Variants in TUSC3 observed in about 807,000 individuals in gnomAD.
TUSC3 encodes tumor suppressor candidate 3, also known as dolichyl-diphosphooligosaccharide--protein glycosyltransferase subunit TUSC3.
TUSC3 carries 45 observed loss-of-function variants against 44.8 expected under a neutral mutation model. The observed-to-expected ratio is 1.00, with a 90% CI of 0.79 to 1.29. TUSC3 has a LOEUF of 1.29. Ranked by LOEUF, TUSC3 falls within the 50% of genes most tolerant of loss-of-function variation. TUSC3 has a pLI of 0.00. For missense variants in TUSC3, 519 were observed against 437.9 expected, an observed-to-expected ratio of 1.19 and a Z score of -1.65; for synonymous variants, 212 against 152.9, an observed-to-expected ratio of 1.39 and a Z score of -2.85.
the TUSC3 span, among the ~76,000 whole-genome samples, chr8:15,773,815 A>T: frequency 6.6e-6 from 1 of 152,320 alleles, no homozygotes; most frequent in East Asian, 1.9e-4. Context: ...TTTCAACAAG[A>T]GTGCCAAAAC....
intron 6 of TUSC3, among the ~76,000 whole-genome samples, chr8:15,722,240 T>C (rs1810329608): frequency 6.6e-6 from 1 of 151,652 alleles, no homozygotes; most frequent in Non-Finnish European, 1.5e-5. Context: ...TGATGGGTTT[T>C]GTTTCTTTCT....
intron 6 of TUSC3, among the ~76,000 whole-genome samples, chr8:15,674,699 G>A (rs1378901535): frequency 6.6e-6 from 1 of 151,742 alleles, no homozygotes; most frequent in Non-Finnish European, 1.5e-5. Context: ...TTTCTGTAGT[G>A]GAAGACAAGG....
the TUSC3 span, among the ~76,000 whole-genome samples, chr8:15,816,044 C>T: frequency 2.0e-5 from 3 of 152,068 alleles, no homozygotes; most frequent in Admixed American, 2.0e-4. Context: ...TTCAGTGAGG[C>T]AGTTTACCCA....
intron 6 of TUSC3, among the ~76,000 whole-genome samples, chr8:15,699,039 G>T (rs56250968): frequency 0.016 from 2,429 of 151,998 alleles, 65 homozygotes; most frequent in African/African-American, 0.056. Context: ...GTAGAGACAG[G>T]GTCTTGCTAT....
At chr8:15,517,995 C>G (rs1001701393) in intron 2 of TUSC3, among the ~76,000 whole-genome samples, 2 of 151,786 alleles carry the variant, frequency 1.3e-5, no homozygotes, top group African/African-American at 4.8e-5. Context: ...AAAAAAAACC[C>G]CCATACACAT....
At chr8:15,736,712 T>C (rs546718184) in intron 7 of TUSC3, among the ~76,000 whole-genome samples, 1 of 152,178 alleles carries the variant, frequency 6.6e-6, no homozygotes, top group Admixed American at 6.5e-5. Flanking sequence ...CTGTCCTAAC[T>C]AATCTGCCTT....
intron 6 of TUSC3, among the ~76,000 whole-genome samples, chr8:15,679,947 T>A (rs1808348562): frequency 6.6e-6 from 1 of 152,182 alleles, no homozygotes. Flanking sequence ...GGTCTGCATG[T>A]CTATTTTTGT....
At chr8:15,555,422 C>T (rs2129138053) in intron 1 of TUSC3, among the ~76,000 whole-genome samples, 1 of 149,866 alleles carries the variant, frequency 6.7e-6, no homozygotes, top group South Asian at 2.1e-4. Context: ...TCAGCCTCCC[C>T]AGTAGCTGGG....
At chr8:15,810,266 C>A in the TUSC3 span, among the ~76,000 whole-genome samples, 2 of 152,286 alleles carry the variant, frequency 1.3e-5, no homozygotes, top group Admixed American at 1.3e-4. Context: ...AGCTAAAGAA[C>A]CCCTGGCTTA....
At chr8:15,852,035 G>A in the TUSC3 span, among the ~76,000 whole-genome samples, 1 of 151,984 alleles carries the variant, frequency 6.6e-6, no homozygotes, top group South Asian at 2.1e-4. Context: ...ATGATTATGA[G>A]GCCTCCCCAG....
chr8:15,724,123 G>A (rs1019932284), intron 6 of TUSC3, among the ~76,000 whole-genome samples: 13 of 152,084 alleles, frequency 8.5e-5, no homozygotes, highest in African/African-American at 2.9e-4. Context: ...ACCTATCTCT[G>A]TCTGCTCACA....
rs183687967 is a variant in TUSC3, at chr8:15,567,538, A to G, written c.138+26970A>G. ...GTATCATAATCCTGACAGGTCTTCA[A>G]TTGTCAATGGCTTTGCATATAAACC... is the stretch of plus-strand genomic sequence containing the variant. On this transcript the variant is annotated intron_variant, in intron 1 of 10. Transcript: ENST00000503731. Among the ~76,000 whole-genome samples the G allele has an allele frequency of 1.9e-3, 294 of 152,284 alleles. 2 individuals are homozygous for G. The highest frequency in any genetic ancestry group is 4.2e-3 in the African/African-American group (174 of 41,568).
At chr8:15,851,811 C>T in the TUSC3 span, among the ~76,000 whole-genome samples, 2 of 152,166 alleles carry the variant, frequency 1.3e-5, no homozygotes, top group Admixed American at 1.3e-4. Flanking sequence ...ACCCACATCT[C>T]ATTTTGTATT....
intron 9 of TUSC3, among the ~76,000 whole-genome samples, chr8:15,750,048 C>G (rs1035350593): frequency 6.7e-6 from 1 of 148,906 alleles, no homozygotes; most frequent in African/African-American, 2.5e-5. Flanking sequence ...GGCTTGATCT[C>G]GGCTCACTGC....
At chr8:15,620,557 A>G (rs1344356132) in intron 1 of TUSC3, among the ~76,000 whole-genome samples, 1 of 152,208 alleles carries the variant, frequency 6.6e-6, no homozygotes, top group Non-Finnish European at 1.5e-5. Context: ...GAATATAGTA[A>G]TTGTATGATA....
intron 6 of TUSC3, among the ~76,000 whole-genome samples, chr8:15,707,795 C>A (rs1267828989): frequency 6.6e-6 from 1 of 151,874 alleles, no homozygotes; most frequent in African/African-American, 2.4e-5. Context: ...TTTAAAACAA[C>A]ACAAATTTGT....
At chr8:15,784,601 A>G in the TUSC3 span, among the ~76,000 whole-genome samples, 1 of 152,066 alleles carries the variant, frequency 6.6e-6, no homozygotes, top group East Asian at 1.9e-4. Flanking sequence ...AGGAAATTCT[A>G]TCATTTGCAA....
chr8:15,544,695 G>A (rs1217773450), intron 1 of TUSC3, among the ~76,000 whole-genome samples: 1 of 151,790 alleles, frequency 6.6e-6, no homozygotes, highest in Non-Finnish European at 1.5e-5. Flanking sequence ...AGGGAGGTAA[G>A]CAATGGATGT....
chr8:15,595,034 G>C (rs762839326), intron 1 of TUSC3, among the ~76,000 whole-genome samples: 25 of 152,108 alleles, frequency 1.6e-4, no homozygotes, highest in South Asian at 6.2e-4. Context: ...AGGACATCCT[G>C]TTTCTAAGGG....
Sources: allele counts gnomAD v4.1 joint callset (sites outside exome capture counted in the v4.1 genomes callset), GRCh38; gene constraint gnomAD v4.1.1; transcripts MANE v1.5; gene names NCBI Gene and HGNC (gene_info 2026-07-23, HGNC 2026-07-21).